Variants in THAP5 observed in about 807,000 individuals in gnomAD.
The protein encoded by THAP5 is THAP domain-containing protein 5.
Under a neutral mutation model 34.0 loss-of-function variants are expected in THAP5, and 26 were observed. The observed-to-expected ratio is 0.77, with a 90% CI of 0.56 to 1.06. The LOEUF (loss-of-function observed/expected upper bound fraction) is 1.06. Among genes scored for constraint, THAP5 ranks in the 50% least tolerant of loss-of-function variants. The probability of loss-of-function intolerance (pLI) is 0.00; values close to 1 mark genes in which losing one functional copy is unlikely to be tolerated. For missense variants in THAP5, 394 were observed against 452.8 expected (o/e 0.87, Z 1.18); for synonymous variants, 125 against 153.0 (o/e 0.82, Z 1.35).
intron 1 of THAP5, among the ~76,000 whole-genome samples, chr7:108,556,683 G>C (rs1369799809): frequency 6.6e-6 from 1 of 152,196 alleles, no homozygotes; most frequent in African/African-American, 2.4e-5. Flanking sequence ...TCATGGGCTG[G>C]AGTTGAGTGC....
At chr7:108,560,814 C>G (rs180689802), downstream of THAP5, among the ~76,000 whole-genome samples, 121 of 152,222 alleles carry the variant, frequency 7.9e-4, 1 homozygote, top group African/African-American at 2.8e-3. Flanking sequence ...AGTCATGGCT[C>G]ACTGCAGCCT....
downstream of THAP5, among the ~76,000 whole-genome samples, chr7:108,557,844 T>G (rs1396079142): frequency 6.6e-6 from 1 of 152,208 alleles, no homozygotes; most frequent in African/African-American, 2.4e-5. Context: ...TAGTCTGTTC[T>G]CACACTGCTA....
the THAP5 span, among the ~76,000 whole-genome samples, chr7:108,548,950 T>C: frequency 2.2e-4 from 34 of 152,222 alleles, no homozygotes; most frequent in African/African-American, 7.9e-4. Flanking sequence ...AACCCAGTGT[T>C]CTACAAGCCT....
At chr7:108,545,249 G>A in the THAP5 span, among the ~76,000 whole-genome samples, 1 of 152,184 alleles carries the variant, frequency 6.6e-6, no homozygotes, top group Admixed American at 6.5e-5. Flanking sequence ...ACTATGTAGT[G>A]TTAAGAATGT....
chr7:108,567,109 A>G (rs776625906), intron 1 of THAP5, among the ~76,000 whole-genome samples: 2 of 152,178 alleles, frequency 1.3e-5, no homozygotes, highest in Non-Finnish European at 2.9e-5. Context: ...TTAAGATGCC[A>G]TGGAAAGTCT....
rs1790427938 is a variant in THAP5 at position 108,564,283 on chromosome 7, TAA to T, written c.1094_1095del (p.Leu365HisfsTer12). ...CAGTTTTCCTGCTTTAGCTGCCTTA[TAA>T]GAGCTTCCAAAGACTTCAATCTACC... ...TLGRLKSLEA[L>X]IRQLKQENWL... is the part of the protein sequence containing the mutation. On this transcript the variant is annotated frameshift_variant, in exon 3 of 3. Coordinates refer to ENST00000415914, the MANE Select transcript of THAP5 (RefSeq NM_001130475.3). LOFTEE classifies it high-confidence loss of function. 6.2e-7 allele frequency: 1 copy of T among 1,613,730 alleles called. No homozygotes were observed. Among genetic ancestry groups the T allele is most frequent in the Non-Finnish European group, 8.5e-7 (1 of 1,179,878 alleles).
rs1308648576 is a variant in THAP5, at chr7:108,564,246, T to C, written c.1133A>G (p.Glu378Gly). The C allele has an allele frequency of 6.2e-7, 1 of 1,610,316 alleles. No individual in the cohort carries two copies. The highest frequency in any genetic ancestry group is 8.5e-7 in the Non-Finnish European group (1 of 1,178,954). ...QLKQENWLSE[E>G]NVKIIENHFT... The stretch of plus-strand genomic sequence containing the variant: ...ATGGTTTTCTATAATCTTGACGTTT[T>C]CTTCAGATAGCCAGTTTTCCTGCTT... Residue 378 changes from glutamate (E) to glycine (G), a missense_variant, in exon 3 of 3, where the codon GAA becomes GGA. By Grantham distance (98) the Glu-to-Gly change is moderately conservative. Transcript: ENST00000415914.
intron 1 of THAP5, among the ~76,000 whole-genome samples, chr7:108,566,432 C>A (rs180955213): frequency 3.9e-5 from 6 of 151,966 alleles, no homozygotes; most frequent in African/African-American, 1.5e-4. Flanking sequence ...TTCATAATAC[C>A]ACCACATGTC....
In THAP5 at chr7:108,569,679, GC is replaced by G. The variant is rs935072813; in HGVS notation, c.-111del. 2.8e-6 allele frequency: 4 copies of G among 1,408,880 alleles called. No homozygotes were observed. Among genetic ancestry groups the G allele is most frequent in the Non-Finnish European group, 3.8e-6 (4 of 1,039,576 alleles). The allele number at this position is 1,408,880 out of a possible 1,614,324, so 87.3% of individuals were successfully genotyped here. On this transcript the variant is annotated 5_prime_UTR_variant, in exon 1 of 3. The change abolishes an upstream ATG in the 5' untranslated region. Transcript: ENST00000415914. ...CTCTCGAGCCCCTGCGCCTGCGCTA[GC>G]ATTCTGCCGGGAAAGCCGCCTCGTC...
chr7:108,546,455 C>T, the THAP5 span, among the ~76,000 whole-genome samples: 3 of 152,108 alleles, frequency 2.0e-5, no homozygotes, highest in Non-Finnish European at 2.9e-5. Context: ...TACATAGGAC[C>T]CTTACCCACA....
At chr7:108,558,693 A>G (rs1173843631), downstream of THAP5, among the ~76,000 whole-genome samples, 1 of 151,610 alleles carries the variant, frequency 6.6e-6, no homozygotes. Context: ...ACCGTGCCTG[A>G]CCTCTAATTT....
intron 1 of THAP5, 31 bp downstream of exon 1, chr7:108,569,459 G>A: frequency 6.4e-7 from 1 of 1,551,414 alleles, no homozygotes; most frequent in Non-Finnish European, 8.7e-7. Context: ...CTCACGGCGA[G>A]GCTGACGCTT....
chr7:108,558,572 A>G (rs997323893), downstream of THAP5, among the ~76,000 whole-genome samples: 2 of 150,692 alleles, frequency 1.3e-5, no homozygotes, highest in Non-Finnish European at 3.0e-5. Flanking sequence ...TAATATTTGT[A>G]TTTTTAGTAG....
chr7:108,568,942 A>T (rs1454123276), intron 1 of THAP5, among the ~76,000 whole-genome samples: 1 of 152,208 alleles, frequency 6.6e-6, no homozygotes, highest in Middle Eastern at 3.2e-3. Context: ...GTAACAGAAT[A>T]AAACCTTGTT....
rs1599011629 is a variant in THAP5 at position 108,564,571 on chromosome 7, ATTCT to A, written c.804_807del (p.Lys268AsnfsTer43). 1 of 1,613,894 alleles carries A rather than the reference ATTCT, an allele frequency of 6.2e-7. No homozygotes were observed. Among genetic ancestry groups the A allele is most frequent in the Non-Finnish European group, 8.5e-7 (1 of 1,179,898 alleles). On this transcript the variant is annotated frameshift_variant, in exon 3 of 3. Coordinates refer to ENST00000415914, the MANE Select transcript of THAP5 (RefSeq NM_001130475.3). LOFTEE classifies it high-confidence loss of function. ...GCAGGTACAAAAATGGCAATAACAG[ATTCT>A]TTATTTGTGTTTAATTCTTCAACTG... is the stretch of plus-strand genomic sequence containing the variant.
Position 108,564,387 on chromosome 7 carries a change from T to C in THAP5, c.992A>G (p.Lys331Arg), listed in dbSNP as rs747177012. The C allele has an allele frequency of 1.2e-6, 2 of 1,613,838 alleles. No individual in the cohort carries two copies. The highest frequency in any genetic ancestry group is 4.5e-5 in the East Asian group (2 of 44,806). The change falls in exon 3 of 3, where the codon AAG becomes AGG. Residue 331 changes from lysine to arginine, a missense_variant. By Grantham distance (26) the Lys-to-Arg change is conservative. Coordinates refer to ENST00000415914, the MANE Select transcript of THAP5 (RefSeq NM_001130475.3). ...AGAGACTTTCTGCCAAAGATGTTCC[T>C]TATTTATATCTTGTCTGCAGTAAGA... ...EHSYCRQDIN[K>R]EHLWQKVSKL...
chr7:108,548,378 T>C, the THAP5 span, among the ~76,000 whole-genome samples: 1 of 151,928 alleles, frequency 6.6e-6, no homozygotes, highest in Non-Finnish European at 1.5e-5. Context: ...ACTTTGGGGA[T>C]AAAAAAACAA....
the THAP5 span, among the ~76,000 whole-genome samples, chr7:108,542,186 T>A: frequency 1.3e-5 from 2 of 152,168 alleles, no homozygotes; most frequent in African/African-American, 4.8e-5. Context: ...ATATCTAGAT[T>A]TAGATATAGA....
Position 108,564,979 on chromosome 7 carries a change from C to A in THAP5, c.400G>T (p.Asp134Tyr). ...NETKKNIVNTDVPHQHPELLH... is the reference protein window; with the variant it reads ...NETKKNIVNTYVPHQHPELLH... Reference sequence around the variant, plus strand: ...AATTCTGGATGTTGATGGGGCACATCTGTGTTAACTATATTTTTCTTTGTC... The same window carrying A: ...AATTCTGGATGTTGATGGGGCACATATGTGTTAACTATATTTTTCTTTGTC... The change falls in exon 3 of 3, where the codon GAT becomes TAT. Residue 134 changes from aspartate (D) to tyrosine (Y), a missense_variant. Asp to Tyr is a radical substitution (Grantham distance 160). Transcript: ENST00000415914. 1 of 1,553,946 alleles carries A rather than the reference C, an allele frequency of 6.4e-7. No homozygotes were observed. Among genetic ancestry groups the A allele is most frequent in the South Asian group, 1.2e-5 (1 of 84,716 alleles).
Sources: allele counts gnomAD v4.1 joint callset (sites outside exome capture counted in the v4.1 genomes callset), GRCh38; gene constraint gnomAD v4.1.1; transcripts MANE v1.5; gene names NCBI Gene and HGNC (gene_info 2026-07-23, HGNC 2026-07-21).